DTNA: variants seen among roughly 807,000 people sequenced by gnomAD.
DTNA encodes the protein dystrobrevin alpha, also known as dystrophin-related protein 3.
DTNA carries 43 observed loss-of-function variants against 100.7 expected under a neutral mutation model. That is an observed-to-expected ratio of 0.43 (90% CI 0.33 to 0.55). The LOEUF is 0.55. Ranked by LOEUF, DTNA falls within the 20% of genes least tolerant of loss-of-function variation. DTNA has a pLI of 0.04. For synonymous variants in DTNA, 349 were observed against 347.9 expected (o/e 1.00, Z -0.04); for missense variants, 798 against 953.9 (o/e 0.84, Z 2.15).
At chr18:34,633,304 A>G (rs887934685) in intron 1 of DTNA, among the ~76,000 whole-genome samples, 12 of 152,196 alleles carry the variant, frequency 7.9e-5, no homozygotes, top group Admixed American at 2.6e-4. Flanking sequence ...ATTTATAGTA[A>G]TTAATGTCAA....
intron 18 of DTNA, among the ~76,000 whole-genome samples, chr18:34,877,426 C>G (rs544538482): frequency 6.6e-6 from 1 of 152,198 alleles, no homozygotes; most frequent in Non-Finnish European, 1.5e-5. Context: ...GCCAGGTCAG[C>G]CAGCCTTATT....
At chr18:34,625,668 G>T (rs1343260275) in intron 1 of DTNA, among the ~76,000 whole-genome samples, 2 of 152,108 alleles carry the variant, frequency 1.3e-5, no homozygotes, top group East Asian at 3.9e-4. Context: ...GTATGCAAAA[G>T]AATAAAAAGT....
At chr18:34,750,207 T>C (rs1045162981) in intron 1 of DTNA, among the ~76,000 whole-genome samples, 6 of 152,214 alleles carry the variant, frequency 3.9e-5, no homozygotes, top group Non-Finnish European at 7.3e-5. Flanking sequence ...AACATTGTCC[T>C]GCTTTTGTGG....
At chr18:34,564,377 C>CA (rs2046905820) in intron 1 of DTNA, among the ~76,000 whole-genome samples, 2 of 152,176 alleles carry the variant, frequency 1.3e-5, no homozygotes, top group South Asian at 4.1e-4. Context: ...TTCCTGACCT[C>CA]AAGTGATCCG....
chr18:34,817,923 G>A, intron 7 of DTNA: 2 of 1,358,870 alleles, frequency 1.5e-6, no homozygotes, highest in Non-Finnish European at 1.9e-6. Flanking sequence ...GCATTACAGA[G>A]ATTTTTGTTG....
rs1191848166 is a variant in DTNA at position 34,891,376 on chromosome 18, C to A, written c.*3642C>A. ...ATATTTTGGAGTGGAATAATTTCTT[C>A]ATTAAAAAATGTTTTTAAAAACACT... On this transcript the variant is annotated 3_prime_UTR_variant, in exon 23 of 23. Transcript: ENST00000444659. 1 of 152,348 alleles carries A rather than the reference C, an allele frequency of 6.6e-6. No homozygotes were observed. Among genetic ancestry groups the A allele is most frequent in the African/African-American group, 2.4e-5 (1 of 41,352 alleles). 9.4% of individuals were successfully genotyped at this position (152,348 alleles called of 1,614,324 possible).
At chr18:34,594,143 GAA>G (rs35934512) in intron 1 of DTNA, among the ~76,000 whole-genome samples, 2 of 143,654 alleles carry the variant, frequency 1.4e-5, no homozygotes, top group African/African-American at 2.5e-5. Flanking sequence ...CCTCCTTCAG[GAA>G]AAAAAAAAAA....
chr18:34,750,273 G>T (rs1458872298), intron 1 of DTNA, among the ~76,000 whole-genome samples: 1 of 152,056 alleles, frequency 6.6e-6, no homozygotes, highest in Non-Finnish European at 1.5e-5. Context: ...CTATGTGTCT[G>T]GTTTACATAA....
rs1230522611 is a variant in DTNA, at chr18:34,824,951, AAATT to A, written c.1002-2639_1002-2636del. 7.1e-3 allele frequency among the ~76,000 whole-genome samples: 980 copies of A among 138,252 alleles called. 6 individuals are homozygous for A. The highest frequency in any genetic ancestry group is 0.012 in the South Asian group (56 of 4,616). The allele number at this position is 138,252 out of a possible 152,430, so 90.7% of individuals were successfully genotyped here. On this transcript the variant is annotated intron_variant, in intron 9 of 22. Coordinates refer to ENST00000444659, the MANE Select transcript of DTNA (RefSeq NM_001386795.1). Reference sequence around the variant, plus strand: ...ATACAGTAAAAAAAAAAAAAAAAAAAAATTAAATCAATAGGATTTTTAAACAGGT... The same window carrying A: ...ATACAGTAAAAAAAAAAAAAAAAAAAAAATCAATAGGATTTTTAAACAGGT...
At chr18:34,607,356 G>C (rs1444315799) in intron 1 of DTNA, among the ~76,000 whole-genome samples, 1 of 152,156 alleles carries the variant, frequency 6.6e-6, no homozygotes, top group Admixed American at 6.5e-5. Context: ...TACAGACTGA[G>C]GAGAAAGAGA....
At chr18:34,617,862 G>T (rs2055640090) in intron 1 of DTNA, among the ~76,000 whole-genome samples, 1 of 152,182 alleles carries the variant, frequency 6.6e-6, no homozygotes, top group Non-Finnish European at 1.5e-5. Context: ...CAGAAACTTT[G>T]TGTGATCCTT....
intron 17 of DTNA, among the ~76,000 whole-genome samples, chr18:34,874,509 C>A (rs564777005): frequency 1.3e-5 from 2 of 152,132 alleles, no homozygotes; most frequent in East Asian, 1.9e-4. Context: ...CAGTTGTTTT[C>A]TACTTTTTTC....
At position 34,884,717 on chromosome 18, in the gene DTNA, G is replaced by A. The variant is rs1568906932; in HGVS notation, c.2296-11G>A. 6.2e-7 allele frequency: 1 copy of A among 1,614,000 alleles called. No homozygotes were observed. Among genetic ancestry groups the A allele is most frequent in the South Asian group, 1.1e-5 (1 of 91,080 alleles). On this transcript the variant is annotated splice_polypyrimidine_tract_variant and intron_variant, in intron 21 of 22. Transcript: ENST00000444659. ...GTCACCTTTCTCGTTTGTGTCCTTT[G>A]TCACCCACAGGTCAGCTTGCAAGGT...
intron 11 of DTNA, 68 bp downstream of exon 11, chr18:34,829,557 A>C: frequency 1.4e-6 from 2 of 1,381,452 alleles, no homozygotes; most frequent in South Asian, 3.3e-5. Context: ...AAGTCATTCT[A>C]CTCTGGCACT....
At chr18:34,738,359 A>G (rs2090031306) in intron 1 of DTNA, among the ~76,000 whole-genome samples, 2 of 152,192 alleles carry the variant, frequency 1.3e-5, no homozygotes, top group Non-Finnish European at 2.9e-5. Context: ...TAGAAGCATA[A>G]TATCTAAACA....
intron 3 of DTNA, among the ~76,000 whole-genome samples, chr18:34,766,657 A>G (rs182628296): frequency 6.2e-4 from 94 of 152,310 alleles, no homozygotes; most frequent in African/African-American, 1.9e-3. Context: ...ATGTACCCTA[A>G]AACTTAAAGT....
chr18:34,697,824 A>G (rs1351163640), intron 1 of DTNA, among the ~76,000 whole-genome samples: 4 of 152,152 alleles, frequency 2.6e-5, no homozygotes, highest in Non-Finnish European at 5.9e-5. Context: ...GAACTACTGG[A>G]AGAGCAAAGA....
chr18:34,698,842 T>A (rs2080971818), intron 1 of DTNA, among the ~76,000 whole-genome samples: 1 of 151,974 alleles, frequency 6.6e-6, no homozygotes, highest in Non-Finnish European at 1.5e-5. Context: ...CACACCCAGA[T>A]TGAGGGTAGG....
chr18:34,755,736 T>A, intron 1 of DTNA: 1 of 482,548 alleles, frequency 2.1e-6, no homozygotes, highest in Non-Finnish European at 3.8e-6. Flanking sequence ...CAGTAGTTAT[T>A]TTTATGTTAG....
Sources: gnomAD v4.1 joint callset for allele counts (sites outside exome capture counted in the v4.1 genomes callset) on GRCh38, gnomAD v4.1.1 for gene constraint, MANE v1.5 for transcripts, NCBI Gene and HGNC (gene_info 2026-07-23, HGNC 2026-07-21) for gene names.